MGAT5B: variants seen among roughly 807,000 people sequenced by gnomAD.
The protein encoded by MGAT5B is N-acetylglucosaminyl-transferase Vb.
MGAT5B carries 54 observed loss-of-function variants against 95.1 expected under a neutral mutation model. That is an observed-to-expected ratio of 0.57 (90% confidence interval 0.46 to 0.71). The LOEUF is 0.71. MGAT5B is among the 30% of genes least tolerant of loss of function. MGAT5B has a pLI of 0.00. For missense variants in MGAT5B, 935 were observed against 1,088.6 expected, an observed-to-expected ratio of 0.86 and a Z score of 1.99; for synonymous variants, 464 against 451.0, an observed-to-expected ratio of 1.03 and a Z score of -0.36.
In MGAT5B at chr17:76,871,064, A is replaced by T. The variant is rs531518027; in HGVS notation, c.69-1787A>T. On this transcript the variant is annotated intron_variant, in intron 1 of 17. Coordinates refer to ENST00000569840, the MANE Select transcript of MGAT5B (RefSeq NM_001199172.2). ...ACCTTTCTCATAGCAGGGTTGTTGG[A>T]TCCTGGCAGGCAGCCCAGGTCCCCA... 2.0e-5 allele frequency among the ~76,000 whole-genome samples: 3 copies of T among 152,124 alleles called. No homozygotes were observed. The East Asian group carries it at 5.8e-4, about 29-fold the overall frequency.
At chr17:76,924,903 TG>T (rs1477197936) in intron 8 of MGAT5B, 62 bp from the exon 9 acceptor site, 5 of 1,595,836 alleles carry the variant, frequency 3.1e-6, no homozygotes, top group Non-Finnish European at 4.3e-6. Flanking sequence ...TCTAAGGAAC[TG>T]GGGTGGCCGG....
rs776568776 is a variant in MGAT5B at position 76,914,031 on chromosome 17, G to T, written c.1025+7844G>T. The T allele has an allele frequency of 4.7e-5, 15 of 320,820 alleles. No individual in the cohort carries two copies. The highest frequency in any genetic ancestry group is 6.8e-5 in the Non-Finnish European group (11 of 160,888). The allele number at this position is 320,820 out of a possible 1,614,324, so 19.9% of individuals were successfully genotyped here. The stretch of plus-strand genomic sequence containing the variant: ...AAGGAGGATCACTTGAGCCTGGGAA[G>T]TCGAGGCTACAGTCAGCCGTGATCA... On this transcript the variant is annotated intron_variant, in intron 8 of 17. Transcript: ENST00000569840. This position sits in a 1 kb window ranked among gnomAD's most constrained non-coding sequence, Gnocchi z 5.1.
At chr17:76,908,899 C>T (rs1189650575) in intron 8 of MGAT5B, among the ~76,000 whole-genome samples, 22 of 150,558 alleles carry the variant, frequency 1.5e-4, no homozygotes, top group African/African-American at 4.9e-4. Flanking sequence ...CTCTGCCTCC[C>T]GGGTTCAAGC....
intron 13 of MGAT5B, among the ~76,000 whole-genome samples, chr17:76,939,025 T>TGG (rs112555397): frequency 0.019 from 2,390 of 128,782 alleles, 54 homozygotes; most frequent in Middle Eastern, 0.045. Context: ...CAAGGCATCT[T>TGG]GGGGGTGTGT....
At position 76,915,330 on chromosome 17, in the gene MGAT5B, TG is replaced by T. The variant is rs1212645857; in HGVS notation, c.1025+9149del. Among the ~76,000 whole-genome samples, 2 of 59,564 alleles carry T rather than the reference TG, an allele frequency of 3.4e-5. No homozygotes were observed. The highest frequency in any genetic ancestry group is 6.6e-5 in the Non-Finnish European group (2 of 30,520). 39.1% of individuals were successfully genotyped at this position (59,564 alleles called of 152,430 possible). ...AGGGTATACTGTAAATGCAGCGGGG[TG>T]GGGGGCCTGGGCTGGGGGCCGGGGA... is the stretch of plus-strand genomic sequence containing the variant. On this transcript the variant is annotated intron_variant, in intron 8 of 17. Coordinates refer to ENST00000569840, the MANE Select transcript of MGAT5B (RefSeq NM_001199172.2). This position sits in a 1 kb window ranked among gnomAD's most constrained non-coding sequence, Gnocchi z 8.7.
At position 76,905,027 on chromosome 17, in the gene MGAT5B, T is replaced by C. The variant is rs1005829622; in HGVS notation, c.691-142T>C. 3.5e-6 allele frequency: 3 copies of C among 865,064 alleles called. No homozygotes were observed. The highest frequency in any genetic ancestry group is 1.7e-5 in the African/African-American group (1 of 58,434). The allele number at this position is 865,064 out of a possible 1,614,324, so 53.6% of individuals were successfully genotyped here. A position where few individuals can be genotyped will look rare whatever the true frequency, so the allele number is the denominator to read the frequency against. ...GGCAGGGCTCCCTGGTTTTGGGGGC[T>C]AATGAGCCCCTTAGAAAGTGCAGGA... is the stretch of plus-strand genomic sequence containing the variant. On this transcript the variant is annotated intron_variant, in intron 6 of 17. Transcript: ENST00000569840. This position sits in a 1 kb window ranked among gnomAD's most constrained non-coding sequence, Gnocchi z 4.2.
rs757041784 is a variant in MGAT5B, at chr17:76,916,096, C to T, written c.1026-8870C>T. 7.9e-5 allele frequency among the ~76,000 whole-genome samples: 12 copies of T among 152,170 alleles called. No homozygotes were observed. Among genetic ancestry groups the T allele is most frequent in the South Asian group, 2.1e-4 (1 of 4,830 alleles). Reference sequence around the variant, plus strand: ...CTGCTGGGGCCTGGGGCTGCCCTGGCCCCTGCCCTTCATCCTTCCTCGGGA... The same window carrying T: ...CTGCTGGGGCCTGGGGCTGCCCTGGTCCCTGCCCTTCATCCTTCCTCGGGA... On this transcript the variant is annotated intron_variant, in intron 8 of 17. Transcript: ENST00000569840. The surrounding 1 kb of genome is among the most constrained non-coding windows in gnomAD (Gnocchi z 5.3).
In MGAT5B at chr17:76,907,070, T is replaced by TA. The variant is rs1404808292; in HGVS notation, c.1025+885dup. Among the ~76,000 whole-genome samples, 404 of 151,312 alleles carry TA rather than the reference T, an allele frequency of 2.7e-3. 1 individual carries two copies. The highest frequency in any genetic ancestry group is 9.3e-3 in the African/African-American group (383 of 41,084). On this transcript the variant is annotated intron_variant, in intron 8 of 17. Coordinates refer to ENST00000569840, the MANE Select transcript of MGAT5B (RefSeq NM_001199172.2). ...TATTCCTTTGCTTTTTTTTTTTTTT[T>TA]AATGGAGTTTCTCTCTTGTTCCCCA...
rs966102747 is a variant in MGAT5B, at chr17:76,889,049, C to G, written c.329+6751C>G. On this transcript the variant is annotated intron_variant, in intron 3 of 17. Transcript: ENST00000569840. The surrounding 1 kb of genome is among the most constrained non-coding windows in gnomAD (Gnocchi z 4.4). ...CCTCGCTTGGCATTCTTTTACTTTC[C>G]GAGTGAGAAACGATGGTTTTGGTAG... Among the ~76,000 whole-genome samples the G allele has an allele frequency of 6.6e-6, 1 of 152,130 alleles. No individual in the cohort carries two copies. The highest frequency in any genetic ancestry group is 1.5e-5 in the Non-Finnish European group (1 of 68,022).
intron 16 of MGAT5B, among the ~76,000 whole-genome samples, chr17:76,947,502 G>T (rs1434454699): frequency 5.3e-5 from 8 of 152,080 alleles, no homozygotes; most frequent in Admixed American, 5.2e-4. Context: ...TGGGCCCCAG[G>T]GTAGGAACCC....
chr17:76,896,525 A>G (rs1968070103), intron 3 of MGAT5B, among the ~76,000 whole-genome samples: 1 of 152,212 alleles, frequency 6.6e-6, no homozygotes, highest in African/African-American at 2.4e-5. Context: ...GAGCAAAAGC[A>G]TATCAAGCAT....
intron 4 of MGAT5B, 43 bp downstream of exon 4, chr17:76,902,713 CAAT>C: frequency 1.4e-6 from 1 of 711,274 alleles, no homozygotes. Flanking sequence ...CCTAGGGGGC[CAAT>C]GAACTGGGTG....
chr17:76,932,602 G>C (rs764376227), intron 10 of MGAT5B, 43 bp from the exon 11 acceptor site: 28 of 1,609,470 alleles, frequency 1.7e-5, no homozygotes, highest in Non-Finnish European at 1.9e-5. Context: ...GGCTGCCCTT[G>C]GTTGTTTGGT....
chr17:76,902,688 G>C lies in MGAT5B; in HGVS notation c.445+18G>C. On this transcript the variant is annotated intron_variant, in intron 4 of 17. Transcript: ENST00000569840. ...CAGCAAGGGTGGGTGCCAGGGGGCG[G>C]GGGTACCCTCTACCCCTAGGGGGCC... 1 of 1,543,278 alleles carries C rather than the reference G, an allele frequency of 6.5e-7. No homozygotes were observed. The highest frequency in any genetic ancestry group is 8.8e-7 in the Non-Finnish European group (1 of 1,136,006).
Position 76,868,859 on chromosome 17 carries a change from T to G in MGAT5B, c.-171T>G. The G allele has an allele frequency of 2.6e-6, 1 of 389,666 alleles. No homozygotes were observed. The highest frequency in any genetic ancestry group is 4.4e-6 in the Non-Finnish European group (1 of 229,462). The allele number at this position is 389,666 out of a possible 1,614,324, so 24.1% of individuals were successfully genotyped here. ...GCCCTCCGGCAGCCGCGCCGCTCCC[T>G]CCGCTGCACGCCCAGGCCTGAGCAG... On this transcript the variant is annotated 5_prime_UTR_variant, in exon 1 of 18. Coordinates refer to ENST00000569840, the MANE Select transcript of MGAT5B (RefSeq NM_001199172.2). The surrounding 1 kb of genome is among the most constrained non-coding windows in gnomAD (Gnocchi z 6.3).
At chr17:76,872,212 G>A (rs1254452010) in intron 1 of MGAT5B, among the ~76,000 whole-genome samples, 3 of 152,140 alleles carry the variant, frequency 2.0e-5, no homozygotes, top group East Asian at 3.9e-4. Context: ...GGCATGGGCC[G>A]TGTGGCTCTG....
chr17:76,927,437 A>T (rs186522475), intron 10 of MGAT5B, among the ~76,000 whole-genome samples: 1 of 152,132 alleles, frequency 6.6e-6, no homozygotes, highest in East Asian at 1.9e-4. Context: ...AAAGGGTTTC[A>T]CCAGGTTGCC....
chr17:76,882,183 C>T lies in MGAT5B; in HGVS notation c.214C>T (p.Arg72Cys), dbSNP rs775745785. 5.6e-6 allele frequency: 9 copies of T among 1,613,166 alleles called. No individual in the cohort carries two copies. The highest frequency in any genetic ancestry group is 1.1e-5 in the South Asian group (1 of 90,950). The change falls in exon 3 of 18, where the codon CGC becomes TGC. Residue 72 changes from arginine (R) to cysteine (C), a missense_variant. By Grantham distance (180) the Arg-to-Cys change is radical. Transcript: ENST00000569840. The part of the protein sequence containing the change: ...MGGPESRGVL[R>C]KMSDLLELMV... ...GGGCCCCGAGTCCCGCGGCGTCCTG[C>T]GCAAGATGAGCGACCTGCTGGAGCT...
At chr17:76,909,879 T>C (rs1301519357) in intron 8 of MGAT5B, among the ~76,000 whole-genome samples, 1 of 152,114 alleles carries the variant, frequency 6.6e-6, no homozygotes, top group South Asian at 2.1e-4. Context: ...ATGATTAGGC[T>C]TAGTAAAGAA....
Sources: allele counts gnomAD v4.1 joint callset (sites outside exome capture counted in the v4.1 genomes callset), GRCh38; gene constraint gnomAD v4.1.1; non-coding constraint Gnocchi (gnomAD v3.1); transcripts MANE v1.5; gene names NCBI Gene and HGNC (gene_info 2026-07-23, HGNC 2026-07-21).